Variants in PARPBP observed in about 807,000 individuals in gnomAD.
PARPBP encodes the protein PCNA-interacting partner.
In PARPBP, 52 loss-of-function variants were observed where a neutral mutation model predicts 50.0. The ratio of observed to expected loss-of-function variants is 1.04; its 90% CI spans 0.83 to 1.31. PARPBP has a LOEUF of 1.31. Ranked by LOEUF, PARPBP falls within the 50% of genes most tolerant of loss-of-function variation. The probability of loss-of-function intolerance (pLI) is 0.00; values close to 1 mark genes in which losing one functional copy is unlikely to be tolerated. For synonymous variants in PARPBP, 244 were observed against 232.1 expected, an observed-to-expected ratio of 1.05 and a Z score of -0.47; for missense variants, 697 against 672.0, an observed-to-expected ratio of 1.04 and a Z score of -0.41.
intron 3 of PARPBP, among the ~76,000 whole-genome samples, chr12:102,152,250 A>G (rs1045113745): frequency 1.3e-5 from 2 of 152,172 alleles, no homozygotes; most frequent in African/African-American, 4.8e-5. Flanking sequence ...AGGACATAAT[A>G]TAGTCTAAGT....
At chr12:102,168,628 G>C (rs1286752771) in intron 6 of PARPBP, among the ~76,000 whole-genome samples, 1 of 152,158 alleles carries the variant, frequency 6.6e-6, no homozygotes, top group East Asian at 1.9e-4. Flanking sequence ...ACAGAGGAAA[G>C]GGCAATTGAC....
At chr12:102,132,478 A>G (rs1040861477) in intron 2 of PARPBP, among the ~76,000 whole-genome samples, 3 of 152,098 alleles carry the variant, frequency 2.0e-5, no homozygotes, top group African/African-American at 7.2e-5. Context: ...TTGTGGATAT[A>G]TATCTTGGTT....
chr12:102,170,735 A>G (rs1428844311), intron 6 of PARPBP, among the ~76,000 whole-genome samples: 1 of 152,182 alleles, frequency 6.6e-6, no homozygotes, highest in Non-Finnish European at 1.5e-5. Flanking sequence ...AATTACACTT[A>G]GCTTGCTCTA....
At chr12:102,134,727 G>A (rs1883367254) in intron 2 of PARPBP, among the ~76,000 whole-genome samples, 1 of 152,146 alleles carries the variant, frequency 6.6e-6, no homozygotes, top group African/African-American at 2.4e-5. Context: ...GCCCAGGCTG[G>A]AGTGCAGTGG....
chr12:102,142,796 G>T (rs1884817344), intron 2 of PARPBP, among the ~76,000 whole-genome samples: 1 of 152,214 alleles, frequency 6.6e-6, no homozygotes, highest in South Asian at 2.1e-4. Context: ...AGTGGAGGCT[G>T]CAGAACAGCA....
At chr12:102,146,298 G>A (rs1382002921) in intron 2 of PARPBP, among the ~76,000 whole-genome samples, 4 of 151,962 alleles carry the variant, frequency 2.6e-5, no homozygotes, top group Non-Finnish European at 5.9e-5. Context: ...GAGGCATCAC[G>A]CTACCTGACT....
intron 3 of PARPBP, chr12:102,152,160 A>T (rs537060024): frequency 4.2e-5 from 11 of 260,518 alleles, no homozygotes; most frequent in Non-Finnish European, 6.7e-5. Context: ...CTTCTCAGGG[A>T]TGCAGATGAA....
intron 2 of PARPBP, among the ~76,000 whole-genome samples, chr12:102,131,495 A>C (rs1882846817): frequency 6.6e-6 from 1 of 152,214 alleles, no homozygotes; most frequent in Non-Finnish European, 1.5e-5. Flanking sequence ...TTGGGTATAT[A>C]TCCAAAGGAA....
intron 6 of PARPBP, among the ~76,000 whole-genome samples, chr12:102,170,097 C>T (rs948762103): frequency 6.6e-6 from 1 of 152,210 alleles, no homozygotes; most frequent in African/African-American, 2.4e-5. Context: ...TGCATTTCTA[C>T]ACTTTGCCAG....
chr12:102,158,720 A>G (rs926729580), intron 4 of PARPBP, among the ~76,000 whole-genome samples: 2 of 152,114 alleles, frequency 1.3e-5, no homozygotes, highest in African/African-American at 4.8e-5. Flanking sequence ...TTGTGTATCA[A>G]AAGGGTAGAT....
At chr12:102,150,615 C>T (rs1403702172) in intron 3 of PARPBP, among the ~76,000 whole-genome samples, 3 of 152,138 alleles carry the variant, frequency 2.0e-5, no homozygotes, top group Admixed American at 6.5e-5. Context: ...ATGGGCATCT[C>T]GGAGCATACA....
chr12:102,178,862 C>A, intron 8 of PARPBP, 92 bp downstream of exon 8: 1 of 765,326 alleles, frequency 1.3e-6, no homozygotes. Flanking sequence ...TTAGAAACTA[C>A]AGAAATTGTG....
intron 9 of PARPBP, among the ~76,000 whole-genome samples, chr12:102,186,194 A>G (rs1160909031): frequency 6.6e-6 from 1 of 151,870 alleles, no homozygotes; most frequent in Non-Finnish European, 1.5e-5. Flanking sequence ...GATTTTATTT[A>G]TTTGGGTCAT....
At chr12:102,152,114 G>A (rs1886284960) in intron 3 of PARPBP, 2 of 298,026 alleles carry the variant, frequency 6.7e-6, no homozygotes, top group Admixed American at 4.8e-5. Context: ...CTGCTTCCTC[G>A]CTCCTCTTCC....
intron 4 of PARPBP, 44 bp from the exon 5 acceptor site, chr12:102,164,394 G>C (rs1887909326): frequency 4.3e-6 from 6 of 1,404,310 alleles, no homozygotes; most frequent in Non-Finnish European, 6.0e-6. Flanking sequence ...TATGGATTTA[G>C]AAGAACTGCA....
intron 2 of PARPBP, among the ~76,000 whole-genome samples, chr12:102,124,427 C>T (rs981322059): frequency 3.9e-5 from 6 of 152,078 alleles, no homozygotes; most frequent in Admixed American, 6.6e-5. Flanking sequence ...CAATCTGCAC[C>T]GGGATACTGG....
intron 2 of PARPBP, among the ~76,000 whole-genome samples, chr12:102,136,752 C>T (rs533599550): frequency 6.6e-5 from 10 of 152,252 alleles, no homozygotes; most frequent in African/African-American, 2.4e-4. Context: ...TAAGAGTTAG[C>T]TTAGGCATCC....
At chr12:102,121,292 GA>G (rs1413203590) in intron 1 of PARPBP, among the ~76,000 whole-genome samples, 2 of 151,892 alleles carry the variant, frequency 1.3e-5, no homozygotes, top group African/African-American at 4.8e-5. Flanking sequence ...ATGGTTGGGG[GA>G]AAAAATGAAA....
At position 102,196,230 on chromosome 12, in the gene PARPBP, G is replaced by A. The variant is rs1565910730; in HGVS notation, c.1679G>A (p.Cys560Tyr). The change falls in exon 11 of 11, where the codon TGT becomes TAT. Residue 560 changes from cysteine to tyrosine, a missense_variant. Cys to Tyr is a radical substitution (Grantham distance 194, BLOSUM62 -2). Transcript: ENST00000327680. Reference sequence around the variant, plus strand: ...GCTAAAGTAGCAAAAAGTAATAAATGTACTGCCAAGGACAAGTTGATTTCT... The same window carrying A: ...GCTAAAGTAGCAAAAAGTAATAAATATACTGCCAAGGACAAGTTGATTTCT... Reference protein sequence around the residue: ...KLAKVAKSNKCTAKDKLISGQ... With the variant: ...KLAKVAKSNKYTAKDKLISGQ... The A allele has an allele frequency of 9.9e-6, 16 of 1,609,580 alleles. No individual in the cohort carries two copies. The highest frequency in any genetic ancestry group is 4.0e-5 in the African/African-American group (3 of 74,644).
Sources: gnomAD v4.1 joint callset for allele counts (sites outside exome capture counted in the v4.1 genomes callset) on GRCh38, gnomAD v4.1.1 for gene constraint, MANE v1.5 for transcripts, NCBI Gene and HGNC (gene_info 2026-07-23, HGNC 2026-07-21) for gene names.